Variants in ZNF148 observed in about 807,000 individuals in gnomAD.
The protein encoded by ZNF148 is zinc finger protein 148.
A neutral mutation model predicts 67.7 loss-of-function variants in ZNF148; 7 were observed. The observed-to-expected ratio is 0.10, with a 90% confidence interval of 0.06 to 0.19. ZNF148 has a LOEUF of 0.19. Among genes scored for constraint, ZNF148 ranks in the 10% least tolerant of loss-of-function variants. ZNF148 has a pLI of 1.00. For missense variants in ZNF148, 583 were observed against 947.1 expected, an observed-to-expected ratio of 0.62 and a Z score of 5.05; for synonymous variants, 333 against 330.7, an observed-to-expected ratio of 1.01 and a Z score of -0.08.
chr3:125,287,335 C>T (rs1378677267), intron 5 of ZNF148, among the ~76,000 whole-genome samples: 1 of 152,114 alleles, frequency 6.6e-6, no homozygotes, highest in African/African-American at 2.4e-5. Flanking sequence ...TCAGCTATCA[C>T]TATACTAAAG....
chr3:125,234,083 A>G (rs1042921027), intron 8 of ZNF148, 128 bp downstream of exon 8: 22 of 1,260,016 alleles, frequency 1.7e-5, no homozygotes, highest in Non-Finnish European at 2.2e-5. Context: ...CCAATTTTCT[A>G]TTATAAATCT....
chr3:125,323,201 G>A (rs1940859929), intron 3 of ZNF148, 108 bp downstream of exon 3: 1 of 400,152 alleles, frequency 2.5e-6, no homozygotes, highest in Non-Finnish European at 4.4e-6. Flanking sequence ...AAAACTTTAA[G>A]AAACTATTAT....
chr3:125,320,605 AATC>A (rs983772966), intron 3 of ZNF148, among the ~76,000 whole-genome samples: 2 of 152,210 alleles, frequency 1.3e-5, no homozygotes, highest in Non-Finnish European at 2.9e-5. Flanking sequence ...TTCTGAACCT[AATC>A]ATCATCGTCT....
At chr3:125,254,123 G>A (rs1405307626) in intron 7 of ZNF148, among the ~76,000 whole-genome samples, 1 of 152,072 alleles carries the variant, frequency 6.6e-6, no homozygotes, top group African/African-American at 2.4e-5. Flanking sequence ...TTGGTAAACT[G>A]TATTATTTTA....
chr3:125,345,801 A>G (rs1316658335), intron 1 of ZNF148, among the ~76,000 whole-genome samples: 3 of 152,192 alleles, frequency 2.0e-5, no homozygotes, highest in Non-Finnish European at 4.4e-5. Context: ...GCCATTAAAT[A>G]AAACTGACTT....
chr3:125,263,355 A>G (rs1161168681), intron 7 of ZNF148, among the ~76,000 whole-genome samples: 2 of 152,206 alleles, frequency 1.3e-5, no homozygotes, highest in African/African-American at 2.4e-5. Context: ...GTTCGAGACC[A>G]GCCTGGCCAA....
chr3:125,327,928 G>T (rs1232100765), intron 2 of ZNF148, among the ~76,000 whole-genome samples: 1 of 151,974 alleles, frequency 6.6e-6, no homozygotes, highest in Non-Finnish European at 1.5e-5. Flanking sequence ...ATCAAAAAAT[G>T]TAACTGATTC....
At chr3:125,295,664 T>C (rs950640940) in intron 4 of ZNF148, among the ~76,000 whole-genome samples, 4 of 152,090 alleles carry the variant, frequency 2.6e-5, no homozygotes, top group Admixed American at 2.6e-4. Context: ...ACAACTAAAA[T>C]TGGGATCATG....
At chr3:125,247,841 T>A (rs919868073) in intron 7 of ZNF148, among the ~76,000 whole-genome samples, 3 of 152,122 alleles carry the variant, frequency 2.0e-5, no homozygotes, top group African/African-American at 7.2e-5. Context: ...AAGAGCAACA[T>A]CCTCAGGAAG....
rs1277316469 is a variant in ZNF148 at position 125,226,901 on chromosome 3, G to C, written c.*5440C>G. On this transcript the variant is annotated 3_prime_UTR_variant, in exon 9 of 9. Coordinates refer to ENST00000360647, the MANE Select transcript of ZNF148 (RefSeq NM_021964.3). Reference sequence around the variant, plus strand: ...TATTTAACACTGAAAATTTCAATGTGATAAGTTTCATTGCAAAGCAACTGT... The same window carrying C: ...TATTTAACACTGAAAATTTCAATGTCATAAGTTTCATTGCAAAGCAACTGT... The C allele has an allele frequency of 6.6e-6, 1 of 152,058 alleles. No homozygotes were observed. The highest frequency in any genetic ancestry group is 2.4e-5 in the African/African-American group (1 of 41,386). 9.4% of individuals were successfully genotyped at this position (152,058 alleles called of 1,614,324 possible).
intron 7 of ZNF148, among the ~76,000 whole-genome samples, chr3:125,276,665 C>T (rs755807648): frequency 5.9e-5 from 9 of 152,062 alleles, no homozygotes; most frequent in Non-Finnish European, 8.8e-5. Flanking sequence ...AACTCCCGAC[C>T]TCAAGTGATC....
chr3:125,273,655 G>T (rs551622430), intron 7 of ZNF148, among the ~76,000 whole-genome samples: 5 of 152,082 alleles, frequency 3.3e-5, no homozygotes, highest in African/African-American at 4.8e-5. Context: ...CACCACGCCT[G>T]GCTAATTTTT....
intron 5 of ZNF148, among the ~76,000 whole-genome samples, chr3:125,281,831 C>G (rs909957057): frequency 6.6e-6 from 1 of 152,120 alleles, no homozygotes; most frequent in African/African-American, 2.4e-5. Context: ...ATTTTCCTTA[C>G]TTTCTTTTTA....
At chr3:125,259,132 CAT>C (rs1197199325) in intron 7 of ZNF148, among the ~76,000 whole-genome samples, 1 of 151,984 alleles carries the variant, frequency 6.6e-6, no homozygotes, top group Non-Finnish European at 1.5e-5. Flanking sequence ...TTGCAAATCA[CAT>C]ATCCAATAAA....
intron 1 of ZNF148, among the ~76,000 whole-genome samples, chr3:125,340,713 G>A (rs1213842262): frequency 6.6e-5 from 10 of 152,090 alleles, no homozygotes; most frequent in South Asian, 2.1e-4. Flanking sequence ...ATGGCCGGGC[G>A]CGGTGGCTCA....
intron 7 of ZNF148, among the ~76,000 whole-genome samples, chr3:125,258,422 CAAAA>C (rs34739205): frequency 2.0e-4 from 11 of 56,290 alleles, no homozygotes; most frequent in Non-Finnish European, 3.0e-4. Context: ...GACTCCATCT[CAAAA>C]AAAAAAAAAA....
At chr3:125,254,189 C>G (rs1040741747) in intron 7 of ZNF148, among the ~76,000 whole-genome samples, 3 of 152,032 alleles carry the variant, frequency 2.0e-5, no homozygotes, top group African/African-American at 7.2e-5. Flanking sequence ...AATCTCTCTC[C>G]CCTTTCTTAT....
chr3:125,266,240 G>A (rs1937526886), intron 7 of ZNF148, among the ~76,000 whole-genome samples: 1 of 151,916 alleles, frequency 6.6e-6, no homozygotes, highest in Non-Finnish European at 1.5e-5. Context: ...GAGCTCTACA[G>A]TATACTCTAC....
chr3:125,279,729 G>C (rs751910660), intron 5 of ZNF148, among the ~76,000 whole-genome samples: 6 of 138,964 alleles, frequency 4.3e-5, no homozygotes, highest in African/African-American at 1.7e-4. Context: ...TATGAAAAGC[G>C]TGTCAGGATT....
Sources: allele counts gnomAD v4.1 joint callset (sites outside exome capture counted in the v4.1 genomes callset), GRCh38; gene constraint gnomAD v4.1.1; transcripts MANE v1.5; gene names NCBI Gene and HGNC (gene_info 2026-07-23, HGNC 2026-07-21).